GNE: variants seen among roughly 807,000 people sequenced by gnomAD.
GNE encodes the protein glucosamine (UDP-N-acetyl)-2-epimerase/N-acetylmannosamine kinase.
GNE carries 41 observed loss-of-function variants against 61.8 expected under a neutral mutation model. That is an observed-to-expected ratio of 0.66 (90% CI 0.52 to 0.86). GNE has a LOEUF of 0.86. Among genes scored for constraint, GNE ranks in the 40% least tolerant of loss-of-function variants. The pLI is 0.00. For synonymous variants in GNE, 264 were observed against 326.4 expected, an observed-to-expected ratio of 0.81 and a Z score of 2.06; for missense variants, 608 against 909.1, an observed-to-expected ratio of 0.67 and a Z score of 4.26.
intron 3 of GNE, among the ~76,000 whole-genome samples, chr9:36,237,848 T>C (rs573960047): frequency 7.1e-4 from 108 of 151,456 alleles, no homozygotes; most frequent in African/African-American, 2.4e-3. Context: ...AAGTCCACTG[T>C]ATCATTCTTA....
chr9:36,261,603 C>A (rs1046173261), upstream of GNE, among the ~76,000 whole-genome samples: 4 of 148,126 alleles, frequency 2.7e-5, no homozygotes, highest in Non-Finnish European at 5.9e-5. Context: ...ATTTATTCTG[C>A]CTACCACAAG....
rs866191308 is a variant in GNE at position 36,276,913 on chromosome 9, G to A, written c.32C>T (p.Ser11Leu). 8 of 1,612,062 alleles carry A rather than the reference G, an allele frequency of 5.0e-6. No homozygotes were observed. The Middle Eastern group carries it at 1.2e-3, about 233-fold the overall frequency. The change falls in exon 1 of 12, where the codon TCA (serine) becomes TTA (leucine). Residue 11 changes from serine to leucine, a missense_variant. By Grantham distance (145) the Ser-to-Leu change is moderately radical. Transcript: ENST00000396594. ...ACTTACATGAGGTCCTTGAAAGCAT[G>A]ACTCCCTCTGCAGATAACCATAGGT...
rs1828456583 is a variant in GNE, at chr9:36,218,870, T to C, written c.1817-571A>G. 6.6e-6 allele frequency among the ~76,000 whole-genome samples: 1 copy of C among 152,216 alleles called. No individual in the cohort carries two copies. The highest frequency in any genetic ancestry group is 1.9e-4 in the East Asian group (1 of 5,202). On this transcript the variant is annotated intron_variant, in intron 10 of 11. Transcript: ENST00000642385. This position sits in a 1 kb window ranked among gnomAD's most constrained non-coding sequence, Gnocchi z 4.1. The stretch of plus-strand genomic sequence containing the variant: ...GGGTTATTTGAGGAACGGAATGAGA[T>C]CATGGACATAAAGTATTTAGTTAAG...
chr9:36,242,390 A>T (rs760225249), intron 3 of GNE, among the ~76,000 whole-genome samples: 2 of 151,892 alleles, frequency 1.3e-5, no homozygotes, highest in Non-Finnish European at 2.9e-5. Context: ...GTACAATTCA[A>T]TTTTGCTACA....
At chr9:36,224,454 A>C (rs1828763163) in intron 7 of GNE, among the ~76,000 whole-genome samples, 1 of 151,816 alleles carries the variant, frequency 6.6e-6, no homozygotes, top group Non-Finnish European at 1.5e-5. Context: ...ACAAAAAAAC[A>C]CTGAGGCAAC....
chr9:36,220,627 C>G (rs559644125), intron 9 of GNE, among the ~76,000 whole-genome samples: 1 of 152,322 alleles, frequency 6.6e-6, no homozygotes, highest in African/African-American at 2.4e-5. Flanking sequence ...AAAAACCATA[C>G]CTGTACCTAA....
chr9:36,253,547 G>A lies in GNE; in HGVS notation c.-42-4150C>T, dbSNP rs145761410. On this transcript the variant is annotated intron_variant, in intron 1 of 11. Transcript: ENST00000642385. Reference sequence around the variant, plus strand: ...CCCACCTCGGCCTCCCAACGTGCTAGGATTACAGGCATGAGCCACCGCGCC... The same window carrying A: ...CCCACCTCGGCCTCCCAACGTGCTAAGATTACAGGCATGAGCCACCGCGCC... Among the ~76,000 whole-genome samples the A allele has an allele frequency of 2.7e-3, 416 of 151,476 alleles. 2 individuals are homozygous for A. The highest frequency in any genetic ancestry group is 9.5e-3 in the African/African-American group (394 of 41,336).
chr9:36,218,422 G>A lies in GNE; in HGVS notation c.1817-123C>T, dbSNP rs1219836583. 2.7e-6 allele frequency: 2 copies of A among 736,270 alleles called. No homozygotes were observed. Among genetic ancestry groups the A allele is most frequent in the African/African-American group, 3.4e-5 (2 of 58,152 alleles). The allele number at this position is 736,270 out of a possible 1,614,324, so 45.6% of individuals were successfully genotyped here. On this transcript the variant is annotated intron_variant, in intron 10 of 11. Coordinates refer to ENST00000642385, the MANE Select transcript of GNE (RefSeq NM_005476.7). The surrounding 1 kb of genome is among the most constrained non-coding windows in gnomAD (Gnocchi z 4.1). ...GGTGTTTTCTTTTCACAATTGCAAAGCTTATCGTTCACAAACATCTCTATA... is the reference window on the plus strand; with the variant it reads ...GGTGTTTTCTTTTCACAATTGCAAAACTTATCGTTCACAAACATCTCTATA...
intron 3 of GNE, among the ~76,000 whole-genome samples, chr9:36,237,605 G>A (rs749151831): frequency 6.6e-6 from 1 of 151,742 alleles, no homozygotes; most frequent in Non-Finnish European, 1.5e-5. Flanking sequence ...TACCAATAGG[G>A]CCTATATTAT....
At chr9:36,258,647 C>T (rs947653817), upstream of GNE, 24 of 434,764 alleles carry the variant, frequency 5.5e-5, no homozygotes, top group Non-Finnish European at 7.4e-5. Flanking sequence ...ATGGCCTCTG[C>T]CGCGCTGGAG....
chr9:36,240,844 G>A (rs1483243357), intron 3 of GNE, among the ~76,000 whole-genome samples: 2 of 152,008 alleles, frequency 1.3e-5, no homozygotes. Flanking sequence ...TTATTGACCT[G>A]TTCAGGGTAT....
At chr9:36,226,161 ATTC>A (rs942888130) in intron 7 of GNE, among the ~76,000 whole-genome samples, 1 of 151,956 alleles carries the variant, frequency 6.6e-6, no homozygotes, top group Non-Finnish European at 1.5e-5. Context: ...TTAAGAAACT[ATTC>A]TTCTATTAGT....
intron 3 of GNE, among the ~76,000 whole-genome samples, chr9:36,241,203 C>A (rs1241453664): frequency 2.0e-5 from 3 of 152,076 alleles, no homozygotes; most frequent in Non-Finnish European, 2.9e-5. Flanking sequence ...ACAACCTCCA[C>A]CTTGTGGGTT....
upstream of GNE, chr9:36,258,453 C>A (rs374034685): frequency 2.0e-6 from 2 of 985,574 alleles, no homozygotes; most frequent in Middle Eastern, 5.2e-4. Flanking sequence ...GTAGACGACT[C>A]GTCGCTCGAC....
chr9:36,247,058 C>CT lies in GNE; in HGVS notation c.165-577dup, dbSNP rs541884144. 1.1e-3 allele frequency among the ~76,000 whole-genome samples: 164 copies of CT among 149,414 alleles called. 1 individual carries two copies. The highest frequency in any genetic ancestry group is 2.0e-3 in the Non-Finnish European group (135 of 67,088). On this transcript the variant is annotated intron_variant, in intron 2 of 11. Transcript: ENST00000642385. The stretch of plus-strand genomic sequence containing the variant: ...CACTTAGGGGAAAATGTTTTTTACC[C>CT]TTTTTTTTATTTTTTTGAGACAGAG...
chr9:36,259,410 A>G (rs1048560495), upstream of GNE, among the ~76,000 whole-genome samples: 8 of 152,096 alleles, frequency 5.3e-5, no homozygotes, highest in Admixed American at 1.3e-4. Flanking sequence ...TTTTACAACC[A>G]TTAAAAATTT....
intron 1 of GNE, among the ~76,000 whole-genome samples, chr9:36,253,969 G>A (rs1034896975): frequency 3.9e-5 from 6 of 151,986 alleles, no homozygotes; most frequent in East Asian, 2.0e-4. Flanking sequence ...CCTGGGAGGC[G>A]GAGGTTGCAG....
Position 36,242,732 on chromosome 9 carries a change from GTTTT to G in GNE, c.616+3295_616+3298del, listed in dbSNP as rs34441447. 5.4e-3 allele frequency among the ~76,000 whole-genome samples: 516 copies of G among 95,952 alleles called. 4 individuals are homozygous for G. The highest frequency in any genetic ancestry group is 0.021 in the African/African-American group (476 of 22,578). 62.9% of individuals were successfully genotyped at this position (95,952 alleles called of 152,430 possible). ...CGCATCTGGCCTGGGTTTTATGCTT[GTTTT>G]TTTTTTTTTTTTTTTTTTTGAGATG... On this transcript the variant is annotated intron_variant, in intron 3 of 11. Transcript: ENST00000642385.
upstream of GNE, among the ~76,000 whole-genome samples, chr9:36,260,896 A>AAAC (rs1830596688): frequency 9.3e-6 from 1 of 107,208 alleles, no homozygotes; most frequent in South Asian, 2.9e-4. Flanking sequence ...AAAAAAAAAA[A>AAAC]AAAACCCACA....
Sources: gnomAD v4.1 joint callset for allele counts (sites outside exome capture counted in the v4.1 genomes callset) on GRCh38, gnomAD v4.1.1 for gene constraint, Gnocchi (gnomAD v3.1) non-coding constraint, MANE v1.5 for transcripts, NCBI Gene and HGNC (gene_info 2026-07-23, HGNC 2026-07-21) for gene names.